Variants in PTPRT observed in about 807,000 individuals in gnomAD.
PTPRT encodes receptor-type tyrosine-protein phosphatase T.
In PTPRT, 56 loss-of-function variants were observed where a neutral mutation model predicts 176.8. The ratio of observed to expected loss-of-function variants is 0.32; its 90% CI spans 0.26 to 0.40. The LOEUF is 0.40. PTPRT is among the 10% of genes least tolerant of loss of function. PTPRT has a pLI of 1.00. For missense variants in PTPRT, 1,540 were observed against 1,908.2 expected (o/e 0.81, Z 3.60); for synonymous variants, 783 against 739.0 (o/e 1.06, Z -0.96).
chr20:42,431,967 T>G (rs563139408), intron 9 of PTPRT, among the ~76,000 whole-genome samples: 5 of 152,256 alleles, frequency 3.3e-5, no homozygotes, highest in African/African-American at 1.2e-4. Context: ...ATTTATACAG[T>G]AGGTGGGAAC....
intron 2 of PTPRT, among the ~76,000 whole-genome samples, chr20:42,835,859 T>C (rs941593976): frequency 3.9e-5 from 6 of 152,128 alleles, no homozygotes; most frequent in Non-Finnish European, 5.9e-5. Flanking sequence ...TTCTCTTTAA[T>C]CAGGCAAAGC....
intron 13 of PTPRT, among the ~76,000 whole-genome samples, chr20:42,268,115 C>A (rs749011382): frequency 6.6e-6 from 1 of 152,090 alleles, no homozygotes; most frequent in African/African-American, 2.4e-5. Context: ...AGTCTAATAT[C>A]CCCATCACTC....
At chr20:43,124,464 C>T (rs1322331802) in intron 1 of PTPRT, among the ~76,000 whole-genome samples, 2 of 152,156 alleles carry the variant, frequency 1.3e-5, no homozygotes, top group Admixed American at 1.3e-4. Context: ...GGAAATAATC[C>T]CGGGCTGGCT....
At position 42,810,573 on chromosome 20, in the gene PTPRT, C is replaced by A. The variant is rs373396482; in HGVS notation, c.215-19107G>T. On this transcript the variant is annotated intron_variant, in intron 2 of 30. Coordinates refer to ENST00000373187, the MANE Select transcript of PTPRT (RefSeq NM_007050.6). ...GCACTAGATTGCCTTAAAAGCAGTA[C>A]GCAGTTCTGAAGCTTACCATTGTAT... 1.1e-4 allele frequency among the ~76,000 whole-genome samples: 16 copies of A among 152,314 alleles called. No homozygotes were observed. In the East Asian group the frequency reaches 1.2e-3, roughly 11 times the overall value.
rs563642890 is a variant in PTPRT at position 42,093,612 on chromosome 20, A to G, written c.3846+4809T>C. ...CTGCAGCTTACAGGTAGCCCTGCCC[A>G]ATCCCCAACGTACGCTCTTATGGTT... On this transcript the variant is annotated intron_variant, in intron 27 of 30. Transcript: ENST00000373187. 9.4e-4 allele frequency among the ~76,000 whole-genome samples: 143 copies of G among 152,320 alleles called. 3 individuals carry two copies. In the South Asian group the frequency reaches 0.013, roughly 14 times the overall value.
At chr20:42,828,554 C>A (rs970373891) in intron 2 of PTPRT, among the ~76,000 whole-genome samples, 13 of 152,106 alleles carry the variant, frequency 8.5e-5, no homozygotes, top group African/African-American at 2.7e-4. Context: ...AGCCCCTCCC[C>A]CAGAGGACTA....
At chr20:42,527,679 GA>G (rs1283350774) in intron 7 of PTPRT, among the ~76,000 whole-genome samples, 1 of 152,154 alleles carries the variant, frequency 6.6e-6, no homozygotes, top group Non-Finnish European at 1.5e-5. Context: ...CTTTGATATG[GA>G]AAAATGTTGG....
At chr20:42,502,184 CATT>C (rs1252991294) in intron 7 of PTPRT, among the ~76,000 whole-genome samples, 1 of 151,958 alleles carries the variant, frequency 6.6e-6, no homozygotes, top group Non-Finnish European at 1.5e-5. Flanking sequence ...ATTCATTCAT[CATT>C]AAGTATTTTA....
intron 7 of PTPRT, among the ~76,000 whole-genome samples, chr20:42,639,841 A>G (rs1016852764): frequency 3.3e-5 from 5 of 152,026 alleles, no homozygotes; most frequent in East Asian, 1.9e-4. Flanking sequence ...ATCTTACTCC[A>G]TTCTTTCCAG....
At chr20:42,164,913 C>T (rs1342986903) in intron 16 of PTPRT, among the ~76,000 whole-genome samples, 2 of 152,170 alleles carry the variant, frequency 1.3e-5, no homozygotes, top group Non-Finnish European at 2.9e-5. Flanking sequence ...ATGCCTTCTT[C>T]TGATTTATGG....
rs561896234 is a variant in PTPRT at position 42,291,939 on chromosome 20, G to A, written c.2140-9414C>T. Reference sequence around the variant, plus strand: ...TTAAAGGTAGAGGCTGTTACATAGAGAATAGACTTACGGTGCAAGAGAAAC... The same window carrying A: ...TTAAAGGTAGAGGCTGTTACATAGAAAATAGACTTACGGTGCAAGAGAAAC... On this transcript the variant is annotated intron_variant, in intron 12 of 30. Transcript: ENST00000373187. Among the ~76,000 whole-genome samples the A allele has an allele frequency of 2.4e-4, 37 of 152,250 alleles. 1 individual carries two copies. The highest frequency in any genetic ancestry group is 8.2e-4 in the African/African-American group (34 of 41,548).
At chr20:42,483,506 C>T (rs145460055) in intron 7 of PTPRT, among the ~76,000 whole-genome samples, 8 of 152,106 alleles carry the variant, frequency 5.3e-5, no homozygotes, top group South Asian at 2.1e-4. Context: ...TTAGTTCTTC[C>T]GAGAAAGCTG....
At chr20:42,679,362 T>C (rs1346139023) in intron 6 of PTPRT, among the ~76,000 whole-genome samples, 1 of 151,672 alleles carries the variant, frequency 6.6e-6, no homozygotes. Context: ...GAGAAGGTAG[T>C]GTAGGATAAA....
At chr20:42,165,727 T>C (rs1989795481) in intron 16 of PTPRT, among the ~76,000 whole-genome samples, 1 of 152,208 alleles carries the variant, frequency 6.6e-6, no homozygotes, top group African/African-American at 2.4e-5. Flanking sequence ...CAAATAGAAA[T>C]ATTTACAGGT....
chr20:42,063,612 T>C, the PTPRT span: 1 of 152,208 alleles, frequency 6.6e-6, no homozygotes, highest in East Asian at 1.9e-4. Flanking sequence ...AATTGGTTCT[T>C]CTCTGCTTAC....
chr20:42,883,687 A>ATACACACCCCCAATACACAGGCATG (rs2145860036), intron 2 of PTPRT, among the ~76,000 whole-genome samples: 2 of 6,464 alleles, frequency 3.1e-4, no homozygotes, highest in African/African-American at 1.1e-3. Context: ...ACGGACACAC[A>ATACACACCCCCAATACACAGGCATG]CACACACCTC....
intron 1 of PTPRT, among the ~76,000 whole-genome samples, chr20:43,151,970 T>C (rs1021479217): frequency 6.6e-6 from 1 of 152,188 alleles, no homozygotes; most frequent in African/African-American, 2.4e-5. Context: ...GAAGCCCTCC[T>C]GATAAAGCCA....
chr20:42,939,894 A>G (rs1331594746), intron 1 of PTPRT, among the ~76,000 whole-genome samples: 1 of 152,148 alleles, frequency 6.6e-6, no homozygotes, highest in Non-Finnish European at 1.5e-5. Context: ...AGATAAATAG[A>G]TATAATCTTA....
At chr20:42,759,932 C>T (rs2145418711) in intron 5 of PTPRT, among the ~76,000 whole-genome samples, 1 of 152,222 alleles carries the variant, frequency 6.6e-6, no homozygotes, top group South Asian at 2.1e-4. Flanking sequence ...TTATCAAGTG[C>T]TTTCAGGAGA....
Sources: allele counts gnomAD v4.1 joint callset (sites outside exome capture counted in the v4.1 genomes callset), GRCh38; gene constraint gnomAD v4.1.1; transcripts MANE v1.5; gene names NCBI Gene and HGNC (gene_info 2026-07-23, HGNC 2026-07-21).